The following GALP variants were observed in gnomAD, a reference collection of about 807,000 sequenced individuals.
GALP encodes galanin like peptide, also known as galanin-like peptide.
Under a neutral mutation model 15.2 loss-of-function variants are expected in GALP, and 12 were observed. The observed-to-expected ratio is 0.79, with a 90% CI of 0.51 to 1.28. The LOEUF (loss-of-function observed/expected upper bound fraction) is 1.28, where lower values mean the gene tolerates loss of function less well. GALP is among the 50% of genes most tolerant of loss of function. The pLI is 0.00. For missense variants in GALP, 161 were observed against 145.6 expected (o/e 1.11, Z -0.55); for synonymous variants, 58 against 55.1 (o/e 1.05, Z -0.23).
At position 56,181,831 on chromosome 19, in the gene GALP, C is replaced by T. The variant is rs117410578; in HGVS notation, c.137-341C>T. ...ATTACATCCATAAAATACCGAGATT[C>T]CCGTGGTGCTCAAGGTTGGTTTCAG... On this transcript the variant is annotated intron_variant, in intron 3 of 5. Transcript: ENST00000357330. Among the ~76,000 whole-genome samples the T allele has an allele frequency of 2.0e-3, 300 of 152,262 alleles. 1 individual carries two copies. Among genetic ancestry groups the T allele is most frequent in the Middle Eastern group, 6.8e-3 (2 of 294 alleles).
At chr19:56,182,378 G>A in intron 4 of GALP, 126 bp downstream of exon 4, 2 of 640,886 alleles carry the variant, frequency 3.1e-6, no homozygotes, top group Non-Finnish European at 5.5e-6. Flanking sequence ...GGGGCCCTGG[G>A]CAAGTGATGC....
chr19:56,182,217 C>T lies in GALP; in HGVS notation c.182C>T (p.Thr61Ile). The T allele has an allele frequency of 6.2e-7, 1 of 1,614,032 alleles. No individual in the cohort carries two copies. The highest frequency in any genetic ancestry group is 8.5e-7 in the Non-Finnish European group (1 of 1,179,876). The change falls in exon 4 of 6, where the codon ACA becomes ATA. Residue 61 changes from threonine (T) to isoleucine (I), a missense_variant. By Grantham distance (89) the Thr-to-Ile change is moderately conservative. Coordinates refer to ENST00000357330, the MANE Select transcript of GALP (RefSeq NM_033106.4). ...QMGDQDGKRETALEILDLWKA... is the reference protein window; with the variant it reads ...QMGDQDGKREIALEILDLWKA... ...GGTGACCAAGACGGAAAGAGGGAGACAGCCCTTGAGATCCTAGACCTGTGG... is the reference window on the plus strand; with the variant it reads ...GGTGACCAAGACGGAAAGAGGGAGATAGCCCTTGAGATCCTAGACCTGTGG...
At chr19:56,183,882 G>T (rs937766670) in intron 5 of GALP, among the ~76,000 whole-genome samples, 1 of 152,064 alleles carries the variant, frequency 6.6e-6, no homozygotes, top group Admixed American at 6.6e-5. Flanking sequence ...ACAGGCGTGA[G>T]CCACTGCGCC....
Position 56,177,081 on chromosome 19 carries a change from G to A in GALP, c.-28G>A. 6.3e-7 allele frequency: 1 copy of A among 1,579,418 alleles called. No individual in the cohort carries two copies. The highest frequency in any genetic ancestry group is 8.7e-7 in the Non-Finnish European group (1 of 1,152,608). ...CTCTCTCCTTGCAGCGTGTTCCGCA[G>A]CTGTAGGCACCTGTCGTCCTGCCTT... On this transcript the variant is annotated 5_prime_UTR_variant, in exon 2 of 6. Transcript: ENST00000357330.
At chr19:56,177,278 C>T (rs2032481212) in intron 2 of GALP, 83 bp downstream of exon 2, 4 of 1,166,130 alleles carry the variant, frequency 3.4e-6, no homozygotes, top group Middle Eastern at 1.9e-4. Flanking sequence ...ATGCTTCTGG[C>T]TTGTGTCAAG....
chr19:56,179,779 C>G (rs2032531452), intron 2 of GALP, among the ~76,000 whole-genome samples: 2 of 151,718 alleles, frequency 1.3e-5, no homozygotes, highest in African/African-American at 4.8e-5. Flanking sequence ...CGCCACCATG[C>G]CTGGCTAATT....
At chr19:56,182,998 T>A in intron 4 of GALP, 137 bp from the exon 5 acceptor site, 8 of 624,286 alleles carry the variant, frequency 1.3e-5, no homozygotes, top group African/African-American at 3.7e-5. Context: ...TCTCTGCTCC[T>A]CTCCCTCCTC....
chr19:56,179,732 C>T (rs1314677280), intron 2 of GALP, among the ~76,000 whole-genome samples: 1 of 151,084 alleles, frequency 6.6e-6, no homozygotes, highest in Non-Finnish European at 1.5e-5. Context: ...TAGCCTCAAA[C>T]TCCTGGGCTA....
At chr19:56,181,524 C>A (rs2032567388) in intron 3 of GALP, among the ~76,000 whole-genome samples, 1 of 149,070 alleles carries the variant, frequency 6.7e-6, no homozygotes, top group African/African-American at 2.5e-5. Context: ...CCTGCCTCAT[C>A]CTCCCAAGTA....
intron 2 of GALP, 46 bp from the exon 3 acceptor site, chr19:56,180,540 C>T (rs1255664822): frequency 1.3e-6 from 2 of 1,556,308 alleles, no homozygotes; most frequent in Admixed American, 3.3e-5. Context: ...GGACGCCTGC[C>T]CCGCTTTCTG....
In GALP at chr19:56,182,191, G is replaced by T. The variant is rs2032578123; in HGVS notation, c.156G>T (p.Met52Ile). 2 of 1,613,872 alleles carry T rather than the reference G, an allele frequency of 1.2e-6. No homozygotes were observed. Among genetic ancestry groups the T allele is most frequent in the East Asian group, 4.5e-5 (2 of 44,870 alleles). Reference sequence around the variant, plus strand: ...ACCCAGTCCTCCACCTTCCCCAAATGGGTGACCAAGACGGAAAGAGGGAGA... The same window carrying T: ...ACCCAGTCCTCCACCTTCCCCAAATTGGTGACCAAGACGGAAAGAGGGAGA... ...LLGPVLHLPQ[M>I]GDQDGKRETA... Residue 52 changes from methionine to isoleucine, a missense_variant, in exon 4 of 6, where the codon ATG becomes ATT. Coordinates refer to ENST00000357330, the MANE Select transcript of GALP (RefSeq NM_033106.4).
chr19:56,181,014 G>A (rs771016107), intron 3 of GALP, among the ~76,000 whole-genome samples: 14 of 141,714 alleles, frequency 9.9e-5, no homozygotes, highest in Non-Finnish European at 1.7e-4. Flanking sequence ...AACCTCCGCC[G>A]CCCGAGTAGT....
intron 2 of GALP, among the ~76,000 whole-genome samples, chr19:56,177,942 C>T (rs1243686957): frequency 2.6e-5 from 4 of 152,222 alleles, no homozygotes; most frequent in Non-Finnish European, 5.9e-5. Context: ...GGGAAATAAA[C>T]TAGATCTCTG....
rs1270023562 is a variant in GALP at position 56,180,648 on chromosome 19, C to A, written c.136+14C>A. On this transcript the variant is annotated intron_variant, in intron 3 of 5. Coordinates refer to ENST00000357330, the MANE Select transcript of GALP (RefSeq NM_033106.4). Reference sequence around the variant, plus strand: ...TTCTGGGTCCCGGTGAGTGAGGCTGCGCTCAGCTCTCCATCCCTGGCCCGA... The same window carrying A: ...TTCTGGGTCCCGGTGAGTGAGGCTGAGCTCAGCTCTCCATCCCTGGCCCGA... 3 of 1,611,434 alleles carry A rather than the reference C, an allele frequency of 1.9e-6. No homozygotes were observed. The highest frequency in any genetic ancestry group is 1.1e-5 in the South Asian group (1 of 91,016).
rs1245096794 is a variant in GALP, at chr19:56,177,160, C to T, written c.52C>T (p.Leu18=). 1.2e-6 allele frequency: 2 copies of T among 1,613,706 alleles called. No homozygotes were observed. Among genetic ancestry groups the T allele is most frequent in the Non-Finnish European group, 1.7e-6 (2 of 1,179,914 alleles). Residue 18 remains leucine, a synonymous_variant, in exon 2 of 6, where the codon CTG becomes TTG. Transcript: ENST00000357330. Reference sequence around the variant, plus strand: ...CCTCCTCCTCGTCCTCTTGCTGAGCCTGGCAGAGACTCCAGCATCCGCACC... The same window carrying T: ...CCTCCTCCTCGTCCTCTTGCTGAGCTTGGCAGAGACTCCAGCATCCGCACC... The part of the protein sequence containing the change: ...LVLLLVLLLS[L]AETPASAPAH...
At position 56,180,915 on chromosome 19, in the gene GALP, C is replaced by CTTTT. The variant is rs1174325788; in HGVS notation, c.136+300_136+303dup. On this transcript the variant is annotated intron_variant, in intron 3 of 5. Transcript: ENST00000357330. ...TCTTTCTTTCTTTCTTTCTTTCTTT[C>CTTTT]TTTTTTTTTTTTTTTTTTTTTTGAC... Among the ~76,000 whole-genome samples the CTTTT allele has an allele frequency of 1.5e-3, 59 of 40,122 alleles. 1 individual carries two copies. The highest frequency in any genetic ancestry group is 4.6e-3 in the South Asian group (4 of 868). The allele number at this position is 40,122 out of a possible 152,430, so 26.3% of individuals were successfully genotyped here. A position where few individuals can be genotyped will look rare whatever the true frequency, so the allele number is the denominator to read the frequency against.
At chr19:56,185,067 G>A (rs2032632432) in intron 5 of GALP, 148 bp from the exon 6 acceptor site, 1 of 572,624 alleles carries the variant, frequency 1.7e-6, no homozygotes, top group Middle Eastern at 4.5e-4. Context: ...TTGGGAGGCT[G>A]AGGTGGGCAG....
chr19:56,178,521 C>CAA (rs80223966), intron 2 of GALP, among the ~76,000 whole-genome samples: 2,466 of 85,672 alleles, frequency 0.029, 73 homozygotes, highest in African/African-American at 0.034. Context: ...ACAACAACAA[C>CAA]AAAAAAAAAA....
At chr19:56,184,640 C>T (rs1040074975) in intron 5 of GALP, among the ~76,000 whole-genome samples, 5 of 151,808 alleles carry the variant, frequency 3.3e-5, no homozygotes, top group African/African-American at 7.3e-5. Flanking sequence ...CCCACCACCA[C>T]GCCTGGCTAA....
Sources: gnomAD v4.1 joint callset for allele counts (sites outside exome capture counted in the v4.1 genomes callset) on GRCh38, gnomAD v4.1.1 for gene constraint, MANE v1.5 for transcripts, NCBI Gene and HGNC (gene_info 2026-07-23, HGNC 2026-07-21) for gene names.